FMN2: variants seen among roughly 807,000 people sequenced by gnomAD.
The protein encoded by FMN2 is formin 2.
Under a neutral mutation model 142.3 loss-of-function variants are expected in FMN2, and 51 were observed. The observed-to-expected ratio is 0.36, with a 90% CI of 0.29 to 0.45. The LOEUF (loss-of-function observed/expected upper bound fraction) is 0.45. Among genes scored for constraint, FMN2 ranks in the 20% least tolerant of loss-of-function variants. The probability of loss-of-function intolerance (pLI) is 1.00; values close to 1 mark genes in which losing one functional copy is unlikely to be tolerated. For missense variants in FMN2, 1,936 were observed against 2,122.8 expected (o/e 0.91, Z 1.73); for synonymous variants, 882 against 869.8 (o/e 1.01, Z -0.25).
At chr1:240,326,019 A>G (rs1671159858) in intron 8 of FMN2, among the ~76,000 whole-genome samples, 1 of 152,208 alleles carries the variant, frequency 6.6e-6, no homozygotes, top group Non-Finnish European at 1.5e-5. Flanking sequence ...GGCTCACAGG[A>G]GCCCTATATT....
At chr1:240,153,843 G>T (rs1430500322) in intron 2 of FMN2, among the ~76,000 whole-genome samples, 2 of 152,044 alleles carry the variant, frequency 1.3e-5, no homozygotes, top group Admixed American at 1.3e-4. Flanking sequence ...CCAGCCGGGC[G>T]CTGTGGCTCA....
intron 7 of FMN2, among the ~76,000 whole-genome samples, chr1:240,288,563 C>G (rs1669669324): frequency 6.6e-6 from 1 of 152,100 alleles, no homozygotes; most frequent in South Asian, 2.1e-4. Context: ...CAGATGGTCC[C>G]TGGAGATCCC....
chr1:240,283,803 G>A (rs1669493437), intron 7 of FMN2, among the ~76,000 whole-genome samples: 1 of 152,144 alleles, frequency 6.6e-6, no homozygotes, highest in Non-Finnish European at 1.5e-5. Flanking sequence ...TTAGACTGGA[G>A]CTTGAAATTG....
chr1:240,200,758 G>A (rs1666092335), intron 4 of FMN2, among the ~76,000 whole-genome samples: 1 of 151,822 alleles, frequency 6.6e-6, no homozygotes, highest in Non-Finnish European at 1.5e-5. Flanking sequence ...TCTCTACAGT[G>A]GGAATAATGT....
chr1:240,299,008 T>A (rs1670094965), intron 8 of FMN2, among the ~76,000 whole-genome samples: 2 of 152,120 alleles, frequency 1.3e-5, no homozygotes, highest in South Asian at 4.2e-4. Context: ...TGGAGTGCAG[T>A]GGCGCAGTCT....
At chr1:240,285,106 TGAAGAAA>T in intron 7 of FMN2, 2 of 370,888 alleles carry the variant, frequency 5.4e-6, no homozygotes, top group Non-Finnish European at 1.1e-5. Context: ...GTTTTTTGTT[TGAAGAAA>T]CATTTTGTTC....
chr1:240,233,235 T>C (rs1237522135), intron 6 of FMN2, among the ~76,000 whole-genome samples: 1 of 151,502 alleles, frequency 6.6e-6, no homozygotes, highest in African/African-American at 2.4e-5. Flanking sequence ...ACAAAAATTA[T>C]CCGGGCTTGG....
chr1:240,164,033 AC>A (rs1258391278), intron 2 of FMN2, among the ~76,000 whole-genome samples: 2 of 151,700 alleles, frequency 1.3e-5, no homozygotes, highest in African/African-American at 4.8e-5. Context: ...GTGCGTCACC[AC>A]CCCAAGATAA....
At chr1:240,469,328 G>A (rs1435883461) in intron 16 of FMN2, among the ~76,000 whole-genome samples, 1 of 152,148 alleles carries the variant, frequency 6.6e-6, no homozygotes, top group African/African-American at 2.4e-5. Flanking sequence ...CTCCTGCTCC[G>A]AAATTAGAAG....
At chr1:240,307,019 C>T (rs12063008) in intron 8 of FMN2, among the ~76,000 whole-genome samples, 1,557 of 152,200 alleles carry the variant, frequency 0.01, 24 homozygotes, top group African/African-American at 0.036. Context: ...AGTACTTTTT[C>T]TTAAGTTTAG....
At chr1:240,244,555 A>T (rs898690469) in intron 6 of FMN2, among the ~76,000 whole-genome samples, 1 of 152,246 alleles carries the variant, frequency 6.6e-6, no homozygotes, top group Admixed American at 6.5e-5. Context: ...TAGTTCACAT[A>T]AACTTTCTAC....
intron 13 of FMN2, among the ~76,000 whole-genome samples, chr1:240,354,675 T>C (rs1335549825): frequency 6.6e-6 from 1 of 152,094 alleles, no homozygotes; most frequent in African/African-American, 2.4e-5. Flanking sequence ...GCACTAATAA[T>C]ACAGCCTTCC....
At chr1:240,437,348 C>T (rs1212006151) in intron 15 of FMN2, among the ~76,000 whole-genome samples, 1 of 140,468 alleles carries the variant, frequency 7.1e-6, no homozygotes, top group Non-Finnish European at 1.5e-5. Flanking sequence ...GGCTGGAGTG[C>T]AGTGGTGCAA....
At chr1:240,150,988 AG>A (rs768624582) in intron 2 of FMN2, among the ~76,000 whole-genome samples, 1 of 152,232 alleles carries the variant, frequency 6.6e-6, no homozygotes, top group Non-Finnish European at 1.5e-5. Context: ...CCATAGCTTC[AG>A]AAAATAAGAA....
At chr1:240,345,765 G>A (rs1236402945) in intron 13 of FMN2, among the ~76,000 whole-genome samples, 1 of 152,052 alleles carries the variant, frequency 6.6e-6, no homozygotes, top group Non-Finnish European at 1.5e-5. Context: ...TTACAGGCGT[G>A]AGCCACCACA....
intron 1 of FMN2, among the ~76,000 whole-genome samples, chr1:240,113,072 C>G (rs1226755170): frequency 1.3e-5 from 2 of 152,146 alleles, no homozygotes; most frequent in African/African-American, 4.8e-5. Context: ...TAAAATTACT[C>G]TAGGGCCAAT....
chr1:240,260,532 T>C (rs1290582898), intron 7 of FMN2, among the ~76,000 whole-genome samples: 2 of 152,246 alleles, frequency 1.3e-5, no homozygotes, highest in African/African-American at 4.8e-5. Flanking sequence ...TTCATGTTTG[T>C]TGGCCATTTG....
intron 6 of FMN2, among the ~76,000 whole-genome samples, chr1:240,226,074 A>T (rs1044789554): frequency 2.6e-5 from 4 of 152,184 alleles, no homozygotes; most frequent in Admixed American, 6.5e-5. Flanking sequence ...CTAAGGGACC[A>T]GTGTATGTGA....
At chr1:240,308,086 A>G (rs1161508530) in intron 8 of FMN2, among the ~76,000 whole-genome samples, 1 of 152,206 alleles carries the variant, frequency 6.6e-6, no homozygotes, top group Non-Finnish European at 1.5e-5. Context: ...GATGGTGGGT[A>G]CAATTTTAAA....
Sources: allele counts gnomAD v4.1 joint callset (sites outside exome capture counted in the v4.1 genomes callset), GRCh38; gene constraint gnomAD v4.1.1; transcripts MANE v1.5; gene names NCBI Gene and HGNC (gene_info 2026-07-23, HGNC 2026-07-21).